The following RABGAP1L variants were observed in gnomAD, a reference collection of about 807,000 sequenced individuals.
The protein encoded by RABGAP1L is rab GTPase-activating protein 1-like.
In RABGAP1L, 63 loss-of-function variants were observed where a neutral mutation model predicts 137.7. That is an observed-to-expected ratio of 0.46 (90% CI 0.37 to 0.56). RABGAP1L has a LOEUF of 0.56. Ranked by LOEUF, RABGAP1L falls within the 20% of genes least tolerant of loss-of-function variation. The pLI is 0.00. For synonymous variants in RABGAP1L, 431 were observed against 433.7 expected (o/e 0.99, Z 0.08); for missense variants, 1,095 against 1,244.0 (o/e 0.88, Z 1.80).
intron 10 of RABGAP1L, among the ~76,000 whole-genome samples, chr1:174,292,556 A>G (rs1676732588): frequency 6.6e-6 from 1 of 151,740 alleles, no homozygotes; most frequent in East Asian, 1.9e-4. Flanking sequence ...CAATATTTTT[A>G]GATTTTCCTT....
At chr1:174,240,939 TG>T (rs1182254656) in intron 4 of RABGAP1L, among the ~76,000 whole-genome samples, 15 of 32,384 alleles carry the variant, frequency 4.6e-4, no homozygotes, top group Non-Finnish European at 6.8e-4. Flanking sequence ...TGTGTGTGTT[TG>T]TGTGTGTGTG....
chr1:174,460,437 G>T (rs1459011118), intron 13 of RABGAP1L, among the ~76,000 whole-genome samples: 2 of 151,934 alleles, frequency 1.3e-5, no homozygotes, highest in East Asian at 3.9e-4. Context: ...ATGGATTAGG[G>T]CTTTTTCTAA....
intron 13 of RABGAP1L, among the ~76,000 whole-genome samples, chr1:174,454,577 G>A: frequency 7.5e-6 from 1 of 134,136 alleles, no homozygotes; most frequent in African/African-American, 3.1e-5. Flanking sequence ...TTTAGACAGA[G>A]TCTCGCTCTG....
chr1:174,357,887 C>T (rs1370976961), intron 11 of RABGAP1L, among the ~76,000 whole-genome samples: 1 of 152,206 alleles, frequency 6.6e-6, no homozygotes, highest in African/African-American at 2.4e-5. Context: ...AGAGCTCTTG[C>T]CCTTTGCCAG....
chr1:174,545,814 T>A (rs945225791), intron 13 of RABGAP1L: 1 of 152,240 alleles, frequency 6.6e-6, no homozygotes, highest in Non-Finnish European at 1.5e-5. Flanking sequence ...TCTGTTGGAT[T>A]TTTTGAGAAC....
intron 13 of RABGAP1L, among the ~76,000 whole-genome samples, chr1:174,514,253 A>G (rs1373948914): frequency 1.3e-5 from 2 of 150,474 alleles, no homozygotes; most frequent in African/African-American, 2.4e-5. Flanking sequence ...AAGCCAAAAA[A>G]AAAAAAAAAA....
At chr1:174,726,734 A>C (rs1333440256) in intron 17 of RABGAP1L, among the ~76,000 whole-genome samples, 1 of 152,144 alleles carries the variant, frequency 6.6e-6, no homozygotes, top group East Asian at 1.9e-4. Flanking sequence ...GAAGTATTTT[A>C]TATTTTGAAG....
intron 19 of RABGAP1L, among the ~76,000 whole-genome samples, chr1:174,839,455 C>T (rs1055553709): frequency 6.6e-6 from 1 of 152,200 alleles, no homozygotes; most frequent in Admixed American, 6.5e-5. Flanking sequence ...AGCTCTGTAA[C>T]CAAGGCAAGG....
chr1:174,159,920 G>A (rs934389442), intron 1 of RABGAP1L: 2 of 152,424 alleles, frequency 1.3e-5, no homozygotes, highest in African/African-American at 4.8e-5. Context: ...CCCTTACCTG[G>A]GGGTGGGGTA....
At chr1:174,582,826 T>G (rs1390938812) in intron 13 of RABGAP1L, among the ~76,000 whole-genome samples, 1 of 152,144 alleles carries the variant, frequency 6.6e-6, no homozygotes, top group African/African-American at 2.4e-5. Context: ...TACTAGGACT[T>G]TTTCCTTTAA....
intron 19 of RABGAP1L, among the ~76,000 whole-genome samples, chr1:174,822,465 G>C (rs1372167697): frequency 1.3e-5 from 2 of 152,210 alleles, no homozygotes; most frequent in Admixed American, 1.3e-4. Flanking sequence ...AAACAGGTCA[G>C]AGCTCCAGAT....
intron 18 of RABGAP1L, chr1:174,799,817 G>C (rs761429743): frequency 5.8e-5 from 58 of 997,858 alleles, no homozygotes; most frequent in Non-Finnish European, 6.7e-5. Flanking sequence ...GTCACGAATC[G>C]AGGATTGCAA....
At chr1:174,843,401 C>T (rs1477066418) in intron 19 of RABGAP1L, among the ~76,000 whole-genome samples, 5 of 151,362 alleles carry the variant, frequency 3.3e-5, no homozygotes, top group Admixed American at 2.0e-4. Context: ...CAACAGTCCC[C>T]AGAGTGTGAT....
At chr1:174,254,819 G>T (rs1295381318) in intron 7 of RABGAP1L, among the ~76,000 whole-genome samples, 1 of 152,134 alleles carries the variant, frequency 6.6e-6, no homozygotes, top group African/African-American at 2.4e-5. Flanking sequence ...GGTCTTTATA[G>T]TAGAATGATT....
At chr1:174,836,843 G>C (rs1204212020) in intron 19 of RABGAP1L, among the ~76,000 whole-genome samples, 2 of 152,216 alleles carry the variant, frequency 1.3e-5, no homozygotes, top group African/African-American at 4.8e-5. Flanking sequence ...GATATTATAA[G>C]TGCTTTGTAA....
At chr1:174,230,924 A>G (rs1558051861) in intron 3 of RABGAP1L, among the ~76,000 whole-genome samples, 1 of 152,178 alleles carries the variant, frequency 6.6e-6, no homozygotes, top group Non-Finnish European at 1.5e-5. Flanking sequence ...ATTCAAAAGT[A>G]TGAAATGGCT....
intron 17 of RABGAP1L, among the ~76,000 whole-genome samples, chr1:174,742,355 A>G (rs1261926404): frequency 6.6e-6 from 1 of 152,078 alleles, no homozygotes; most frequent in Non-Finnish European, 1.5e-5. Flanking sequence ...CATCTCTACT[A>G]AAAATACAAA....
chr1:174,848,812 C>T (rs1465917610), intron 19 of RABGAP1L, among the ~76,000 whole-genome samples: 24 of 151,082 alleles, frequency 1.6e-4, no homozygotes, highest in East Asian at 7.8e-4. Flanking sequence ...CAATGGCGGG[C>T]GCCCCTCCCC....
At chr1:174,336,642 A>C (rs1226236524) in intron 11 of RABGAP1L, among the ~76,000 whole-genome samples, 1 of 152,200 alleles carries the variant, frequency 6.6e-6, no homozygotes, top group Non-Finnish European at 1.5e-5. Flanking sequence ...TTCCTAAAAA[A>C]TGTCTGGATA....
Sources: gnomAD v4.1 joint callset for allele counts (sites outside exome capture counted in the v4.1 genomes callset) on GRCh38, gnomAD v4.1.1 for gene constraint, MANE v1.5 for transcripts, NCBI Gene and HGNC (gene_info 2026-07-23, HGNC 2026-07-21) for gene names.